SGCZ: variants seen among roughly 807,000 people sequenced by gnomAD.
The protein encoded by SGCZ is zeta-sarcoglycan.
In SGCZ, 40 loss-of-function variants were observed where a neutral mutation model predicts 41.3. The observed-to-expected ratio is 0.97, with a 90% confidence interval of 0.75 to 1.26. SGCZ has a LOEUF of 1.26. SGCZ is among the 50% of genes most tolerant of loss of function. The pLI is 0.00. For missense variants in SGCZ, 552 were observed against 369.8 expected (o/e 1.49, Z -4.04); for synonymous variants, 206 against 137.5 (o/e 1.50, Z -3.49).
At chr8:14,450,841 TC>T (rs1376054818) in intron 2 of SGCZ, among the ~76,000 whole-genome samples, 1 of 152,182 alleles carries the variant, frequency 6.6e-6, no homozygotes, top group Non-Finnish European at 1.5e-5. Context: ...GCTCTATTTT[TC>T]CTGATATGTG....
chr8:15,176,966 A>G (rs1158398294), intron 1 of SGCZ, among the ~76,000 whole-genome samples: 1 of 152,172 alleles, frequency 6.6e-6, no homozygotes, highest in African/African-American at 2.4e-5. Context: ...ACGCCACTGC[A>G]CTCCAGCCTG....
At chr8:15,050,199 G>A (rs1804462629) in intron 1 of SGCZ, among the ~76,000 whole-genome samples, 1 of 152,108 alleles carries the variant, frequency 6.6e-6, no homozygotes, top group African/African-American at 2.4e-5. Context: ...TTAGACTCCT[G>A]AGGAATTGAT....
chr8:14,096,194 A>G (rs1801840836), intron 7 of SGCZ, among the ~76,000 whole-genome samples: 1 of 152,052 alleles, frequency 6.6e-6, no homozygotes, highest in Non-Finnish European at 1.5e-5. Context: ...TTTCAAAGGG[A>G]ATGCTTCCAG....
chr8:14,181,385 CTG>C (rs748430871), intron 4 of SGCZ, among the ~76,000 whole-genome samples: 8 of 152,188 alleles, frequency 5.3e-5, no homozygotes, highest in Non-Finnish European at 1.0e-4. Context: ...ACTAAAGTGA[CTG>C]TTTAAAAAGA....
At chr8:14,962,042 A>C (rs1012818863) in intron 1 of SGCZ, among the ~76,000 whole-genome samples, 1 of 152,210 alleles carries the variant, frequency 6.6e-6, no homozygotes, top group Non-Finnish European at 1.5e-5. Context: ...TTTAAGACCA[A>C]GTAATAAGCA....
At chr8:14,802,559 T>C (rs1040085547) in intron 1 of SGCZ, among the ~76,000 whole-genome samples, 1 of 152,184 alleles carries the variant, frequency 6.6e-6, no homozygotes, top group Non-Finnish European at 1.5e-5. Flanking sequence ...GCTGCCGCCT[T>C]TTTTATGAAT....
chr8:15,013,892 C>T (rs769062627), intron 1 of SGCZ, among the ~76,000 whole-genome samples: 10 of 152,112 alleles, frequency 6.6e-5, no homozygotes, highest in African/African-American at 9.7e-5. Flanking sequence ...CTACTGGGCT[C>T]GGGCAGCTAG....
chr8:14,635,547 A>C (rs1483579594), intron 1 of SGCZ, among the ~76,000 whole-genome samples: 1 of 151,952 alleles, frequency 6.6e-6, no homozygotes, highest in East Asian at 1.9e-4. Context: ...TCAGTGGAAA[A>C]TTCCAGAAAT....
At chr8:15,021,585 T>C (rs908823056) in intron 1 of SGCZ, among the ~76,000 whole-genome samples, 4 of 152,172 alleles carry the variant, frequency 2.6e-5, no homozygotes, top group African/African-American at 9.7e-5. Flanking sequence ...AAACACTGTA[T>C]GGGGTTAAGG....
chr8:14,915,263 G>T (rs946933896), intron 1 of SGCZ, among the ~76,000 whole-genome samples: 1 of 152,102 alleles, frequency 6.6e-6, no homozygotes, highest in Non-Finnish European at 1.5e-5. Context: ...ATGTATATAT[G>T]CTGTTATGGT....
intron 1 of SGCZ, among the ~76,000 whole-genome samples, chr8:14,853,949 A>C (rs1479607562): frequency 6.7e-6 from 1 of 149,994 alleles, no homozygotes; most frequent in East Asian, 2.0e-4. Flanking sequence ...TTCAAGGCCT[A>C]TATCAAAGGT....
Position 14,164,586 on chromosome 8 carries a change from C to T in SGCZ, c.541G>A (p.Val181Ile), listed in dbSNP as rs146640480. Residue 181 changes from valine to isoleucine, a missense_variant, in exon 5 of 8, where the codon GTT (valine) becomes ATT (isoleucine). Transcript: ENST00000382080. ...EITIGAEKLK[V>I]TGTEGAVFGH... ...AGACCTCCATCTACAGTACCTGTAA[C>T]TTTCAGCTTTTCAGCCCCAATGGTA... 4 of 1,613,240 alleles carry T rather than the reference C, an allele frequency of 2.5e-6. No individual in the cohort carries two copies. Among genetic ancestry groups the T allele is most frequent in the Middle Eastern group, 1.6e-4 (1 of 6,078 alleles).
rs577745071 is a variant in SGCZ, at chr8:15,152,097, T to C, written c.39+85488A>G. ...TTTAATTTCCTTTTGAAAGAATCAC[T>C]TTTCTGGATTTTGTTTGTTAAAAAC... On this transcript the variant is annotated intron_variant, in intron 1 of 7. Coordinates refer to ENST00000382080, the MANE Select transcript of SGCZ (RefSeq NM_139167.4). 3.9e-5 allele frequency among the ~76,000 whole-genome samples: 6 copies of C among 152,322 alleles called. 1 individual carries two copies. In the South Asian group the frequency reaches 1.2e-3, roughly 32 times the overall value.
chr8:15,111,198 G>C (rs1807036740), intron 1 of SGCZ, among the ~76,000 whole-genome samples: 1 of 152,096 alleles, frequency 6.6e-6, no homozygotes, highest in South Asian at 2.1e-4. Flanking sequence ...ACCTGGTTCT[G>C]GTGGCAGGTA....
In SGCZ at chr8:14,261,323, T is replaced by C. The variant is rs75700248; in HGVS notation, c.337-23644A>G. On this transcript the variant is annotated intron_variant, in intron 3 of 7. Coordinates refer to ENST00000382080, the MANE Select transcript of SGCZ (RefSeq NM_139167.4). ...ATAGAATGATGCTTATTAAAATGTT[T>C]AAAGAAAAGGGCTCCTTTCTAAACA... 1.9e-3 allele frequency among the ~76,000 whole-genome samples: 296 copies of C among 152,264 alleles called. 2 individuals are homozygous for C. Among genetic ancestry groups the C allele is most frequent in the African/African-American group, 7.0e-3 (292 of 41,548 alleles).
chr8:14,409,500 T>C (rs910672031), intron 2 of SGCZ, among the ~76,000 whole-genome samples: 1 of 152,170 alleles, frequency 6.6e-6, no homozygotes, highest in African/African-American at 2.4e-5. Flanking sequence ...ATATTCACTT[T>C]TAAAATATGT....
At chr8:14,957,214 T>A (rs185585507) in intron 1 of SGCZ, among the ~76,000 whole-genome samples, 161 of 152,286 alleles carry the variant, frequency 1.1e-3, no homozygotes, top group African/African-American at 3.8e-3. Context: ...TGGAAACAGA[T>A]GGTGATATTG....
chr8:14,414,669 T>A (rs993523097), intron 2 of SGCZ, among the ~76,000 whole-genome samples: 4 of 152,006 alleles, frequency 2.6e-5, no homozygotes, highest in Non-Finnish European at 1.5e-5. Context: ...GTAATTAATC[T>A]ATCATAATAG....
At chr8:15,236,446 G>GGT (rs879462109) in intron 1 of SGCZ, among the ~76,000 whole-genome samples, 1 of 151,706 alleles carries the variant, frequency 6.6e-6, no homozygotes, top group African/African-American at 2.4e-5. Context: ...GGGTGGGGGG[G>GGT]TGCCTAAACA....
Sources: gnomAD v4.1 joint callset for allele counts (sites outside exome capture counted in the v4.1 genomes callset) on GRCh38, gnomAD v4.1.1 for gene constraint, MANE v1.5 for transcripts, NCBI Gene and HGNC (gene_info 2026-07-23, HGNC 2026-07-21) for gene names.